Variants in PNKP observed in about 807,000 individuals in gnomAD.
PNKP encodes the protein polynucleotide kinase 3'-phosphatase.
PNKP carries 82 observed loss-of-function variants against 66.2 expected under a neutral mutation model. The observed-to-expected ratio is 1.24, with a 90% CI of 1.04 to 1.49. The LOEUF (loss-of-function observed/expected upper bound fraction) is 1.49, where lower values mean the gene tolerates loss of function less well. Among genes scored for constraint, PNKP ranks in the 40% most tolerant of loss-of-function variants. PNKP has a pLI of 0.00. For synonymous variants in PNKP, 412 were observed against 298.9 expected (o/e 1.38, Z -3.90); for missense variants, 907 against 706.8 (o/e 1.28, Z -3.21).
At position 49,862,246 on chromosome 19, in the gene PNKP, G is replaced by C. The variant is rs569834947; in HGVS notation, c.1065C>G (p.Pro355=). Residue 355 remains proline (P), a synonymous_variant, in exon 12 of 17, where the codon CCC becomes CCG. Transcript: ENST00000322344. Reference sequence around the variant, plus strand: ...TGGCGCTCAGGAGGGCCCTGGACTCGGGGAGGCAGAGAGGCCCTGAGCGGG... The same window carrying C: ...TGGCGCTCAGGAGGGCCCTGGACTCCGGGAGGCAGAGAGGCCCTGAGCGGG... The part of the protein sequence containing the change: ...TVSRSGPLCL[P]ESRALLSASP... The C allele has an allele frequency of 1.2e-5, 19 of 1,609,760 alleles. No individual in the cohort carries two copies. The East Asian group carries it at 2.0e-4, about 17-fold the overall frequency.
At chr19:49,865,758 C>CTTG (rs1309110902) in intron 3 of PNKP, among the ~76,000 whole-genome samples, 130 of 151,698 alleles carry the variant, frequency 8.6e-4, no homozygotes, top group African/African-American at 2.9e-3. Context: ...GGATTACAGG[C>CTTG]ACCCGCCACC....
chr19:49,861,879 G>A lies in PNKP; in HGVS notation c.1191C>T (p.Asp397=), dbSNP rs376011384. ...CACAGCGCTGCCAGGAGCCTAGCGTGTCCTGGGGACACGAGAGGTCACAAA... is the reference window on the plus strand; with the variant it reads ...CACAGCGCTGCCAGGAGCCTAGCGTATCCTGGGGACACGAGAGGTCACAAA... ...VSAGYVHVNR[D]TLGSWQRCVT... is the part of the protein sequence containing the mutation. Residue 397 remains aspartate, a splice_region_variant and synonymous_variant, in exon 14 of 17, where the codon GAC becomes GAT. Transcript: ENST00000322344. The A allele has an allele frequency of 8.8e-6, 14 of 1,588,964 alleles. No homozygotes were observed. Among genetic ancestry groups the A allele is most frequent in the Non-Finnish European group, 1.1e-5 (13 of 1,170,314 alleles).
chr19:49,867,190 C>G lies in PNKP; in HGVS notation c.15G>C (p.Glu5Asp). The change falls in exon 2 of 17, where the codon GAG (glutamate) becomes GAC (aspartate). Residue 5 changes from glutamate (E) to aspartate (D), a missense_variant. By Grantham distance (45) the Glu-to-Asp change is conservative (BLOSUM62 2). Transcript: ENST00000322344. Reference sequence around the variant, plus strand: ...TCTCGAGCCACAAGCGGCCCGGGGCCTCCACCTCGCCCATCCTGGGTGCCG... The same window carrying G: ...TCTCGAGCCACAAGCGGCCCGGGGCGTCCACCTCGCCCATCCTGGGTGCCG... MGEVEAPGRLWLESP... is the reference protein window; with the variant it reads MGEVDAPGRLWLESP... The G allele has an allele frequency of 6.2e-7, 1 of 1,611,406 alleles. No homozygotes were observed. The highest frequency in any genetic ancestry group is 8.5e-7 in the Non-Finnish European group (1 of 1,179,142).
Position 49,863,759 on chromosome 19 carries a change from A to G in PNKP, c.746T>C (p.Val249Ala), listed in dbSNP as rs1485713938. 2.6e-6 allele frequency: 4 copies of G among 1,558,498 alleles called. No individual in the cohort carries two copies. The highest frequency in any genetic ancestry group is 1.7e-4 in the Middle Eastern group (1 of 6,000). The change falls in exon 8 of 17, where the codon GTG becomes GCG. Residue 249 changes from valine to alanine, a missense_variant and splice_region_variant. By Grantham distance (64) the Val-to-Ala change is moderately conservative (BLOSUM62 0). Transcript: ENST00000322344. ...CAAGCCTGCGTGCGTGGCCACCAGC[A>G]CCTGTGGATGGGAGGGGGCCACCAG... ...VVEKLGVPFQVLVATHAGLYR... is the reference protein window; with the variant it reads ...VVEKLGVPFQALVATHAGLYR...
chr19:49,867,492 G>T lies in PNKP; in HGVS notation c.-37C>A, dbSNP rs569096279. 2.1e-6 allele frequency: 1 copy of T among 485,342 alleles called. No individual in the cohort carries two copies. The highest frequency in any genetic ancestry group is 3.7e-6 in the Non-Finnish European group (1 of 267,552). The allele number at this position is 485,342 out of a possible 1,614,324, so 30.1% of individuals were successfully genotyped here. On this transcript the variant is annotated 5_prime_UTR_variant, in exon 1 of 17. Coordinates refer to ENST00000322344, the MANE Select transcript of PNKP (RefSeq NM_007254.4). ...ACCCGGGACCGCGGCTTGGGCTCAC[G>T]GCCACTTCCGACCAGGGAGGTCCTG...
intron 3 of PNKP, chr19:49,865,897 G>T: frequency 4.2e-6 from 1 of 239,070 alleles, no homozygotes; most frequent in Non-Finnish European, 8.3e-6. Context: ...ACAGGCGTGA[G>T]CCACCGCGCC....
At chr19:49,866,543 G>A (rs761328598) in intron 2 of PNKP, 98 bp from the exon 3 acceptor site, 8 of 1,138,480 alleles carry the variant, frequency 7.0e-6, no homozygotes, top group Non-Finnish European at 1.1e-5. Flanking sequence ...AGCATCCAGG[G>A]AGTAAGAGGC....
chr19:49,867,455 C>G lies in PNKP; in HGVS notation c.-14+14G>C. 1 of 563,294 alleles carries G rather than the reference C, an allele frequency of 1.8e-6. No homozygotes were observed. The highest frequency in any genetic ancestry group is 3.2e-6 in the Non-Finnish European group (1 of 314,592). The allele number at this position is 563,294 out of a possible 1,614,324, so 34.9% of individuals were successfully genotyped here. On this transcript the variant is annotated intron_variant, in intron 1 of 16. Coordinates refer to ENST00000322344, the MANE Select transcript of PNKP (RefSeq NM_007254.4). ...GAGAGCCTCGCACATGCCTCCGCCCCGCCCCGTACTCACCCGGGACCGCGG... is the reference window on the plus strand; with the variant it reads ...GAGAGCCTCGCACATGCCTCCGCCCGGCCCCGTACTCACCCGGGACCGCGG...
Position 49,861,922 on chromosome 19 carries a change from G to C in PNKP, c.1189-41C>G, listed in dbSNP as rs779474259. The C allele has an allele frequency of 2.7e-5, 43 of 1,580,752 alleles. 1 individual carries two copies. The South Asian group carries it at 4.6e-4, about 17-fold the overall frequency. On this transcript the variant is annotated intron_variant, in intron 13 of 16. Transcript: ENST00000322344. ...GTCACAAACAGATCGGCAGACCCAGGGGGAGAGAAGACCCCGAGCGGGGAC... is the reference window on the plus strand; with the variant it reads ...GTCACAAACAGATCGGCAGACCCAGCGGGAGAGAAGACCCCGAGCGGGGAC...
rs1477817574 is a variant in PNKP at position 49,861,623 on chromosome 19, C to T, written c.1371G>A (p.Ala457=). 3.2e-6 allele frequency: 5 copies of T among 1,555,704 alleles called. No individual in the cohort carries two copies. The highest frequency in any genetic ancestry group is 2.7e-5 in the African/African-American group (2 of 73,460). Residue 457 remains alanine (A), a synonymous_variant, in exon 15 of 17, where the codon GCG becomes GCA. Coordinates refer to ENST00000322344, the MANE Select transcript of PNKP (RefSeq NM_007254.4). ...CFLFTATLEQ[A]RHNNRFREMT... ...GCGGGCTCACCCGGTTGTTGTGGCG[C>T]GCCTGCTCCAGAGTGGCGGTGAAGA...
rs558479707 is a variant in PNKP at position 49,863,894 on chromosome 19, C to T, written c.744+70G>A. The T allele has an allele frequency of 3.4e-5, 48 of 1,422,220 alleles. No individual in the cohort carries two copies. The East Asian group carries it at 1.1e-3, about 33-fold the overall frequency. The allele number at this position is 1,422,220 out of a possible 1,614,324, so 88.1% of individuals were successfully genotyped here. On this transcript the variant is annotated intron_variant, in intron 7 of 16. Transcript: ENST00000322344. ...GCCTGAGGCCTCCGCCCCGCTTACC[C>T]TGGAGTCTAAAGCCCTCGCTCTGGA... is the stretch of plus-strand genomic sequence containing the variant.
At position 49,864,381 on chromosome 19, in the gene PNKP, C is replaced by T. The variant is rs746434170; in HGVS notation, c.521G>A (p.Gly174Glu). The change falls in exon 5 of 17, where the codon GGG becomes GAG. Residue 174 changes from glycine to glutamate, a missense_variant. Physicochemically the swap from Gly to Glu is moderately conservative, Grantham distance 98 (BLOSUM62 -2). Transcript: ENST00000322344. ...CCCAGAGCGTGTGGTGATGAGCGTC[C>T]CGTCCAGATCAAAGCCAGCCACCTG... ...QGKVAGFDLDGTLITTRSGKV... is the reference protein window; with the variant it reads ...QGKVAGFDLDETLITTRSGKV... 4 of 1,613,948 alleles carry T rather than the reference C, an allele frequency of 2.5e-6. No homozygotes were observed. The South Asian group carries it at 3.3e-5, about 13-fold the overall frequency.
chr19:49,861,778 CGGCT>C lies in PNKP; in HGVS notation c.1288_1291del (p.Ser430AlafsTer36). On this transcript the variant is annotated frameshift_variant, in exon 14 of 17. Coordinates refer to ENST00000322344, the MANE Select transcript of PNKP (RefSeq NM_007254.4). LOFTEE classifies it high-confidence loss of function. ...GGCCCCGCGGTCACGCTACCTGGCG[CGGCT>C]CGCGGCGTCTGGGTTTGTGTTGTCG... The C allele has an allele frequency of 6.4e-7, 1 of 1,562,572 alleles. No individual in the cohort carries two copies. The highest frequency in any genetic ancestry group is 8.6e-7 in the Non-Finnish European group (1 of 1,156,228).
rs879255541 is a variant in PNKP, at chr19:49,865,359, A to AC, written c.265dup (p.Val89GlyfsTer41). ...ATTGACCAAATACAGTGTGTCCCCC[A>AC]CCCCCAGAGAGCCCTCCAACCCCGG... On this transcript the variant is annotated frameshift_variant, in exon 4 of 17. Transcript: ENST00000322344. LOFTEE classifies it high-confidence loss of function. The AC allele has an allele frequency of 1.2e-5, 20 of 1,613,024 alleles. No individual in the cohort carries two copies. The highest frequency in any genetic ancestry group is 1.7e-5 in the Non-Finnish European group (20 of 1,179,576).
chr19:49,862,755 T>G lies in PNKP; in HGVS notation c.817-17A>C, dbSNP rs759404435. On this transcript the variant is annotated splice_polypyrimidine_tract_variant and intron_variant, in intron 8 of 16. Coordinates refer to ENST00000322344, the MANE Select transcript of PNKP (RefSeq NM_007254.4). Reference sequence around the variant, plus strand: ...GTCGTTGGCCTACGGGAGACGGTAGTGAGGAGGCCCTTCCCACAAATGTCC... The same window carrying G: ...GTCGTTGGCCTACGGGAGACGGTAGGGAGGAGGCCCTTCCCACAAATGTCC... 1 of 1,613,830 alleles carries G rather than the reference T, an allele frequency of 6.2e-7. No individual in the cohort carries two copies. The highest frequency in any genetic ancestry group is 1.7e-5 in the Admixed American group (1 of 60,018).
chr19:49,864,549 T>C (rs2074804266), intron 4 of PNKP, 146 bp from the exon 5 acceptor site: 1 of 731,482 alleles, frequency 1.4e-6, no homozygotes, highest in Admixed American at 1.9e-5. Flanking sequence ...AGCACCTCCA[T>C]CTCAAGCATC....
chr19:49,865,053 T>G, intron 4 of PNKP, 74 bp downstream of exon 4: 1 of 1,316,660 alleles, frequency 7.6e-7, no homozygotes. Flanking sequence ...GGCTAAAAAG[T>G]TGAGAGCACG....
intron 1 of PNKP, 113 bp downstream of exon 1, chr19:49,867,356 G>A: frequency 1.1e-6 from 1 of 900,890 alleles, no homozygotes; most frequent in Non-Finnish European, 1.6e-6. Flanking sequence ...TCCGCGGGTC[G>A]ACCCGTTTCC....
chr19:49,861,976 C>T, intron 13 of PNKP, 68 bp downstream of exon 13: 1 of 1,600,662 alleles, frequency 6.2e-7, no homozygotes, highest in Non-Finnish European at 8.6e-7. Flanking sequence ...GAAAGCCGCC[C>T]CAAACCAGTT....
Sources: gnomAD v4.1 joint callset for allele counts (sites outside exome capture counted in the v4.1 genomes callset) on GRCh38, gnomAD v4.1.1 for gene constraint, MANE v1.5 for transcripts, NCBI Gene and HGNC (gene_info 2026-07-23, HGNC 2026-07-21) for gene names.